NAALADL2: variants seen among roughly 807,000 people sequenced by gnomAD.
NAALADL2 encodes inactive N-acetylated-alpha-linked acidic dipeptidase-like protein 2.
A neutral mutation model predicts 87.2 loss-of-function variants in NAALADL2; 76 were observed. The observed-to-expected ratio is 0.87, with a 90% CI of 0.72 to 1.05. NAALADL2 has a LOEUF of 1.05. Among genes scored for constraint, NAALADL2 ranks in the 50% least tolerant of loss-of-function variants. The pLI is 0.00. For missense variants in NAALADL2, 1,089 were observed against 945.8 expected (o/e 1.15, Z -1.99); for synonymous variants, 354 against 331.0 (o/e 1.07, Z -0.75).
chr3:174,561,106 T>G (rs1309578839), intron 2 of NAALADL2, among the ~76,000 whole-genome samples: 2 of 152,026 alleles, frequency 1.3e-5, no homozygotes, highest in Non-Finnish European at 2.9e-5. Context: ...AGCGGTAAAT[T>G]TATAACCCAA....
chr3:175,616,052 AATATG>A (rs1725309953), intron 10 of NAALADL2, among the ~76,000 whole-genome samples: 2 of 147,288 alleles, frequency 1.4e-5, no homozygotes, highest in Admixed American at 6.8e-5. Flanking sequence ...TATTATATAT[AATATG>A]ATATATTTTA....
chr3:174,710,761 G>A (rs1452947422), intron 2 of NAALADL2, among the ~76,000 whole-genome samples: 2 of 152,072 alleles, frequency 1.3e-5, no homozygotes, highest in Non-Finnish European at 2.9e-5. Context: ...ACAACCACAA[G>A]GAGCTGAATC....
intron 1 of NAALADL2, among the ~76,000 whole-genome samples, chr3:174,985,732 C>T (rs1180751684): frequency 6.6e-6 from 1 of 152,058 alleles, no homozygotes; most frequent in Non-Finnish European, 1.5e-5. Context: ...GCGGGATGGT[C>T]ACCTGAGGTC....
At chr3:175,388,648 G>A (rs1320485039) in intron 5 of NAALADL2, among the ~76,000 whole-genome samples, 2 of 152,100 alleles carry the variant, frequency 1.3e-5, no homozygotes, top group African/African-American at 4.8e-5. Context: ...CCCCAACAGT[G>A]AATTCCTTTT....
chr3:174,745,140 A>G (rs1734125958), intron 3 of NAALADL2, among the ~76,000 whole-genome samples: 2 of 152,160 alleles, frequency 1.3e-5, no homozygotes, highest in Admixed American at 1.3e-4. Context: ...AACCCTTCAA[A>G]AAATCAACGA....
chr3:175,093,689 T>C (rs1025291622), intron 1 of NAALADL2, among the ~76,000 whole-genome samples: 2 of 151,640 alleles, frequency 1.3e-5, no homozygotes, highest in African/African-American at 4.8e-5. Flanking sequence ...CCGTAGTAAT[T>C]TCCCTGAAAT....
At chr3:175,549,728 T>TA (rs1384284274) in intron 9 of NAALADL2, among the ~76,000 whole-genome samples, 1 of 152,044 alleles carries the variant, frequency 6.6e-6, no homozygotes, top group Non-Finnish European at 1.5e-5. Flanking sequence ...ATGTAGGCAA[T>TA]ACAAAGGCGG....
chr3:174,969,589 A>G (rs1411864080), intron 1 of NAALADL2, among the ~76,000 whole-genome samples: 1 of 152,204 alleles, frequency 6.6e-6, no homozygotes, highest in Admixed American at 6.5e-5. Flanking sequence ...TAATACAGTA[A>G]GAAAATTTTG....
intron 7 of NAALADL2, 134 bp from the exon 8 acceptor site, chr3:175,466,841 AAATT>A: frequency 2.8e-6 from 2 of 713,484 alleles, no homozygotes; most frequent in South Asian, 1.8e-5. Context: ...GTGAGCAAAA[AAATT>A]AAAGTAGTCT....
rs200897051 is a variant in NAALADL2, at chr3:175,668,035, ATTGGTTTAAT to A, written c.1896+40650_1896+40659del. Among the ~76,000 whole-genome samples, 917 of 152,196 alleles carry A rather than the reference ATTGGTTTAAT, an allele frequency of 6.0e-3. 8 individuals are homozygous for A. Among genetic ancestry groups the A allele is most frequent in the African/African-American group, 0.021 (856 of 41,520 alleles). On this transcript the variant is annotated intron_variant, in intron 11 of 13. Transcript: ENST00000454872. ...AGCACTGATAGGCTGCAGTAATTACATTGGTTTAATATGACTTTCTCCTTCAACTGGCAAG... is the reference window on the plus strand; with the variant it reads ...AGCACTGATAGGCTGCAGTAATTACAATGACTTTCTCCTTCAACTGGCAAG...
intron 3 of NAALADL2, among the ~76,000 whole-genome samples, chr3:174,745,590 A>G (rs1734176949): frequency 2.0e-5 from 3 of 152,298 alleles, no homozygotes; most frequent in South Asian, 4.1e-4. Flanking sequence ...TTATCTTATG[A>G]TGGCAGCAGC....
chr3:174,463,745 C>T (rs1430199894), intron 1 of NAALADL2, among the ~76,000 whole-genome samples: 3 of 151,706 alleles, frequency 2.0e-5, no homozygotes, highest in African/African-American at 2.4e-5. Context: ...GGACTACAGG[C>T]GCCCACCACC....
chr3:175,600,138 T>C (rs1399796414), intron 10 of NAALADL2, among the ~76,000 whole-genome samples: 4 of 152,020 alleles, frequency 2.6e-5, no homozygotes, highest in Non-Finnish European at 5.9e-5. Flanking sequence ...ATAGATATAT[T>C]TGAATTTCAT....
At chr3:174,508,936 T>C (rs1053096205) in intron 1 of NAALADL2, among the ~76,000 whole-genome samples, 1 of 152,256 alleles carries the variant, frequency 6.6e-6, no homozygotes, top group African/African-American at 2.4e-5. Context: ...TATAGAAATG[T>C]CACTTTTGAT....
At chr3:174,485,789 GTA>G (rs1310589074) in intron 1 of NAALADL2, among the ~76,000 whole-genome samples, 1 of 151,924 alleles carries the variant, frequency 6.6e-6, no homozygotes, top group African/African-American at 2.4e-5. Flanking sequence ...AAATAATGCT[GTA>G]ATAAACATAT....
In NAALADL2 at chr3:174,451,843, G is replaced by GTTTT. The variant is rs764587503; in HGVS notation, c.-184+10837_-184+10840dup. Among the ~76,000 whole-genome samples, 11 of 98,084 alleles carry GTTTT rather than the reference G, an allele frequency of 1.1e-4. 1 individual carries two copies. The highest frequency in any genetic ancestry group is 4.5e-4 in the African/African-American group (9 of 20,012). The allele number at this position is 98,084 out of a possible 152,430, so 64.3% of individuals were successfully genotyped here. On this transcript the variant is annotated intron_variant, in intron 1 of 3. Coordinates refer to the NAALADL2 transcript ENST00000434257. ...TAATGTAGTGCTAAGGATAGTGGGA[G>GTTTT]TTTTTTTTTTTTTTTTTTTTTTTTT...
At chr3:174,570,098 G>A (rs1714751754) in intron 2 of NAALADL2, among the ~76,000 whole-genome samples, 1 of 152,086 alleles carries the variant, frequency 6.6e-6, no homozygotes, top group African/African-American at 2.4e-5. Flanking sequence ...AGGATCACAT[G>A]TGTATATTTG....
intron 3 of NAALADL2, among the ~76,000 whole-genome samples, chr3:174,787,584 T>TGTATATATATATACATATATATATAC (rs1560225453): frequency 5.1e-5 from 3 of 59,174 alleles, no homozygotes; most frequent in South Asian, 6.9e-4. Flanking sequence ...ATCATATATA[T>TGTATATATATATACATATATATATAC]ATATATATAT....
chr3:174,683,511 T>C (rs989518666), intron 2 of NAALADL2, among the ~76,000 whole-genome samples: 3 of 152,070 alleles, frequency 2.0e-5, no homozygotes, highest in African/African-American at 7.2e-5. Flanking sequence ...ATTTAAAAAC[T>C]ATGAAAAGTA....
Sources: gnomAD v4.1 joint callset for allele counts (sites outside exome capture counted in the v4.1 genomes callset) on GRCh38, gnomAD v4.1.1 for gene constraint, MANE v1.5 for transcripts, NCBI Gene and HGNC (gene_info 2026-07-23, HGNC 2026-07-21) for gene names.